KLRG1: variants seen among roughly 807,000 people sequenced by gnomAD.
KLRG1 encodes killer cell lectin-like receptor subfamily G member 1.
In KLRG1, 16 loss-of-function variants were observed where a neutral mutation model predicts 21.8. That is an observed-to-expected ratio of 0.73 (90% CI 0.50 to 1.11). The LOEUF is 1.11. KLRG1 is among the 50% of genes most tolerant of loss of function. The pLI is 0.00. For missense variants in KLRG1, 173 were observed against 218.3 expected, an observed-to-expected ratio of 0.79 and a Z score of 1.31; for synonymous variants, 69 against 75.9, an observed-to-expected ratio of 0.91 and a Z score of 0.47.
intron 1 of KLRG1, among the ~76,000 whole-genome samples, chr12:8,967,698 C>T (rs1565537917): frequency 2.0e-5 from 3 of 152,114 alleles, no homozygotes; most frequent in South Asian, 2.1e-4. Flanking sequence ...TTCTGCACTG[C>T]AGCCTGGCCA....
chr12:8,998,959 G>A (rs1308714529), intron 3 of KLRG1, among the ~76,000 whole-genome samples: 2 of 152,190 alleles, frequency 1.3e-5, no homozygotes, highest in East Asian at 3.9e-4. Flanking sequence ...GGGCTCAAGT[G>A]ATCCTCTCGC....
At chr12:9,122,290 TG>T in the KLRG1 span, among the ~76,000 whole-genome samples, 1 of 152,220 alleles carries the variant, frequency 6.6e-6, no homozygotes, top group African/African-American at 2.4e-5. Context: ...TGTTTGTGTG[TG>T]GGTTTGCACA....
chr12:9,198,206 C>T, the KLRG1 span, among the ~76,000 whole-genome samples: 2 of 151,508 alleles, frequency 1.3e-5, no homozygotes, highest in Admixed American at 1.3e-4. Flanking sequence ...AAAAGATTAG[C>T]TGGGTATGGT....
At chr12:9,133,315 G>C in the KLRG1 span, among the ~76,000 whole-genome samples, 13 of 152,146 alleles carry the variant, frequency 8.5e-5, no homozygotes, top group African/African-American at 3.1e-4. Flanking sequence ...GGGATGTGTG[G>C]CAAGTAAAGC....
the KLRG1 span, chr12:9,098,765 T>C: frequency 6.2e-7 from 1 of 1,611,900 alleles, no homozygotes; most frequent in Non-Finnish European, 8.5e-7. Flanking sequence ...ACCTGTGAAA[T>C]TGGAACAAAA....
At chr12:9,149,665 T>C in the KLRG1 span, 1 of 1,535,460 alleles carries the variant, frequency 6.5e-7, no homozygotes, top group African/African-American at 1.4e-5. Flanking sequence ...CCATGCTAAA[T>C]CTGTCTAGTC....
chr12:9,190,046 A>G, the KLRG1 span, among the ~76,000 whole-genome samples: 1 of 152,180 alleles, frequency 6.6e-6, no homozygotes, highest in African/African-American at 2.4e-5. Flanking sequence ...TCTTGGTGGG[A>G]ATGTAAATTA....
chr12:9,046,208 G>A, the KLRG1 span, among the ~76,000 whole-genome samples: 3 of 152,060 alleles, frequency 2.0e-5, no homozygotes, highest in South Asian at 6.2e-4. Context: ...CAAACTGAAA[G>A]CCAAAGAGAA....
chr12:9,163,688 T>C, the KLRG1 span: 1 of 1,613,828 alleles, frequency 6.2e-7, no homozygotes, highest in Admixed American at 1.7e-5. Context: ...AGGGTTTTGA[T>C]GACTGTGTCT....
chr12:9,180,071 T>C, the KLRG1 span, among the ~76,000 whole-genome samples: 1 of 152,198 alleles, frequency 6.6e-6, no homozygotes, highest in Non-Finnish European at 1.5e-5. Flanking sequence ...AACTATCAAG[T>C]ACTCGGCAAG....
chr12:9,007,723 G>T (rs907710168), intron 3 of KLRG1, among the ~76,000 whole-genome samples: 1 of 152,242 alleles, frequency 6.6e-6, no homozygotes, highest in South Asian at 2.1e-4. Context: ...GGGACATCTG[G>T]TGGTATCATA....
At chr12:9,104,890 C>T in the KLRG1 span, among the ~76,000 whole-genome samples, 1 of 152,166 alleles carries the variant, frequency 6.6e-6, no homozygotes, top group Non-Finnish European at 1.5e-5. Flanking sequence ...TCTGAAGTCT[C>T]ATAAGTGCAC....
chr12:9,109,454 G>C, the KLRG1 span: 1 of 1,442,728 alleles, frequency 6.9e-7, no homozygotes, highest in East Asian at 2.3e-5. Flanking sequence ...CAACTTTGGG[G>C]GAATTCCTAT....
chr12:9,159,634 C>G, the KLRG1 span, among the ~76,000 whole-genome samples: 1 of 151,550 alleles, frequency 6.6e-6, no homozygotes, highest in South Asian at 2.1e-4. Context: ...CAAAGTAAAA[C>G]AAAGAAAAGA....
At chr12:9,012,586 T>C (rs1947647078), downstream of KLRG1, among the ~76,000 whole-genome samples, 1 of 151,558 alleles carries the variant, frequency 6.6e-6, no homozygotes, top group African/African-American at 2.4e-5. Flanking sequence ...CTTCTTCTGC[T>C]TGAGGAAATT....
chr12:8,971,595 A>G (rs1053604630), intron 1 of KLRG1, among the ~76,000 whole-genome samples: 1 of 135,400 alleles, frequency 7.4e-6, no homozygotes, highest in Non-Finnish European at 1.5e-5. Context: ...GGTTCAAGCG[A>G]TTCTCCTGCC....
chr12:9,083,503 G>A, the KLRG1 span, among the ~76,000 whole-genome samples: 2 of 151,500 alleles, frequency 1.3e-5, no homozygotes, highest in Admixed American at 6.6e-5. Flanking sequence ...AGAATACAAT[G>A]ACTAAAATTA....
At chr12:8,969,608 T>C (rs1403675796) in intron 1 of KLRG1, among the ~76,000 whole-genome samples, 1 of 151,844 alleles carries the variant, frequency 6.6e-6, no homozygotes, top group African/African-American at 2.4e-5. Context: ...AAATTACACT[T>C]AAAGTAAGCA....
intron 1 of KLRG1, among the ~76,000 whole-genome samples, chr12:8,970,103 G>T (rs1946541983): frequency 6.6e-6 from 1 of 152,158 alleles, no homozygotes; most frequent in African/African-American, 2.4e-5. Flanking sequence ...GCTACAGAGG[G>T]AGACCTTGTC....
Sources: allele counts gnomAD v4.1 joint callset (sites outside exome capture counted in the v4.1 genomes callset), GRCh38; gene constraint gnomAD v4.1.1; transcripts MANE v1.5; gene names NCBI Gene and HGNC (gene_info 2026-07-23, HGNC 2026-07-21).